GCNT2: variants seen among roughly 807,000 people sequenced by gnomAD.
GCNT2 encodes N-acetyllactosaminide beta-1,6-N-acetylglucosaminyl-transferase.
A neutral mutation model predicts 34.2 loss-of-function variants in GCNT2; 34 were observed. That is an observed-to-expected ratio of 1.00 (90% CI 0.76 to 1.32). GCNT2 has a LOEUF of 1.32. Ranked by LOEUF, GCNT2 falls within the 40% of genes most tolerant of loss-of-function variation. GCNT2 has a pLI of 0.00. For synonymous variants in GCNT2, 212 were observed against 188.0 expected (o/e 1.13, Z -1.04); for missense variants, 584 against 489.4 (o/e 1.19, Z -1.82).
Position 10,605,447 on chromosome 6 carries a change from C to T in GCNT2, c.926-15904C>T, listed in dbSNP as rs964561388. ...CTGGTCTTGAACTCCTGGGCTCAGG[C>T]GATTCATCTGCCTTGGCCTCCCAAA... On this transcript the variant is annotated intron_variant, in intron 3 of 4. Transcript: ENST00000495262. 1.1e-4 allele frequency among the ~76,000 whole-genome samples: 17 copies of T among 151,362 alleles called. 1 individual carries two copies. The highest frequency in any genetic ancestry group is 2.1e-4 in the Non-Finnish European group (14 of 67,852).
chr6:10,563,777 A>AAAAAT (rs1554130891), intron 3 of GCNT2, among the ~76,000 whole-genome samples: 1 of 24,708 alleles, frequency 4.0e-5, no homozygotes, highest in African/African-American at 1.3e-4. Flanking sequence ...AAAAAAAAAA[A>AAAAAT]ATATATATAT....
chr6:10,522,245 AACCTCATTTGAT>A (rs1238710763), intron 1 of GCNT2, among the ~76,000 whole-genome samples: 6 of 151,484 alleles, frequency 4.0e-5, no homozygotes, highest in African/African-American at 1.5e-4. Flanking sequence ...GTGAGGTATG[AACCTCATTTGAT>A]AATAGGTAAA....
chr6:10,604,456 C>G (rs1765222121), intron 3 of GCNT2, among the ~76,000 whole-genome samples: 1 of 152,140 alleles, frequency 6.6e-6, no homozygotes, highest in Admixed American at 6.5e-5. Flanking sequence ...CTTTTCTGTA[C>G]TTTGAAAATC....
intron 3 of GCNT2, among the ~76,000 whole-genome samples, chr6:10,572,238 C>A (rs1335767237): frequency 6.6e-6 from 1 of 151,916 alleles, no homozygotes; most frequent in Non-Finnish European, 1.5e-5. Flanking sequence ...TGATCAATAA[C>A]CTGGAAAAAA....
intron 3 of GCNT2, chr6:10,585,638 C>T (rs1283242561): frequency 1.5e-5 from 6 of 404,608 alleles, no homozygotes; most frequent in African/African-American, 1.0e-4. Flanking sequence ...GAAAAGGACC[C>T]ATCATTGCAT....
At chr6:10,542,893 C>CTT (rs869251646) in intron 3 of GCNT2, among the ~76,000 whole-genome samples, 5,359 of 81,972 alleles carry the variant, frequency 0.065, 282 homozygotes, top group African/African-American at 0.22. Context: ...TATGTTAATT[C>CTT]TTTTTTTTTT....
In GCNT2 at chr6:10,550,355, C is replaced by T. The variant is rs974781006; in HGVS notation, c.925+20519C>T. 4.0e-5 allele frequency among the ~76,000 whole-genome samples: 6 copies of T among 151,204 alleles called. No homozygotes were observed. The East Asian group carries it at 1.2e-3, about 30-fold the overall frequency. On this transcript the variant is annotated intron_variant, in intron 3 of 4. Coordinates refer to ENST00000495262, the MANE Select transcript of GCNT2 (RefSeq NM_145649.5). ...CCGGCCTAACATTTTTTTTTTCTTACAATATATTAATTATAGGGAAAGTAG... is the reference window on the plus strand; with the variant it reads ...CCGGCCTAACATTTTTTTTTTCTTATAATATATTAATTATAGGGAAAGTAG...
chr6:10,601,263 G>A (rs1011329480), intron 3 of GCNT2, among the ~76,000 whole-genome samples: 6 of 152,252 alleles, frequency 3.9e-5, no homozygotes, highest in Middle Eastern at 3.4e-3. Context: ...CTAAAAGTAA[G>A]TACAGCATTT....
chr6:10,607,096 A>AC (rs1765354895), intron 3 of GCNT2, among the ~76,000 whole-genome samples: 1 of 152,008 alleles, frequency 6.6e-6, no homozygotes, highest in East Asian at 1.9e-4. Flanking sequence ...ACAGGGGTGC[A>AC]CCACCACACC....
chr6:10,583,612 G>A (rs1180632345), intron 3 of GCNT2, among the ~76,000 whole-genome samples: 1 of 152,162 alleles, frequency 6.6e-6, no homozygotes, highest in Non-Finnish European at 1.5e-5. Flanking sequence ...GCTTTTCCTG[G>A]TTCCCCTGAA....
At chr6:10,593,912 T>G (rs1764746785) in intron 3 of GCNT2, among the ~76,000 whole-genome samples, 1 of 152,228 alleles carries the variant, frequency 6.6e-6, no homozygotes, top group Non-Finnish European at 1.5e-5. Flanking sequence ...GTAGTGTAAG[T>G]CTGTCCTCCC....
At chr6:10,563,369 CATT>C (rs1229435056) in intron 3 of GCNT2, among the ~76,000 whole-genome samples, 1 of 152,186 alleles carries the variant, frequency 6.6e-6, no homozygotes, top group Non-Finnish European at 1.5e-5. Context: ...ATTTCTTACA[CATT>C]ATCTCCTTTA....
chr6:10,587,710 G>C (rs1764420251), intron 3 of GCNT2, among the ~76,000 whole-genome samples: 1 of 152,190 alleles, frequency 6.6e-6, no homozygotes, highest in Non-Finnish European at 1.5e-5. Flanking sequence ...ATAGCACCAA[G>C]CTCCCTCGTT....
chr6:10,528,848 T>G lies in GCNT2; in HGVS notation c.-64T>G. 2 of 1,319,138 alleles carry G rather than the reference T, an allele frequency of 1.5e-6. No homozygotes were observed. The highest frequency in any genetic ancestry group is 2.2e-6 in the Non-Finnish European group (2 of 913,514). 81.7% of individuals were successfully genotyped at this position (1,319,138 alleles called of 1,614,324 possible). On this transcript the variant is annotated 5_prime_UTR_variant, in exon 3 of 5. An upstream open reading frame in the 5' UTR loses its in-frame stop. Coordinates refer to ENST00000495262, the MANE Select transcript of GCNT2 (RefSeq NM_145649.5). ...TTCGGAACCTGGAGAAAATGTAAGT[T>G]AAATATATCTACACTCTGATCCTAT...
At chr6:10,561,157 ATTTTC>A (rs1362687937) in intron 3 of GCNT2, among the ~76,000 whole-genome samples, 7 of 151,746 alleles carry the variant, frequency 4.6e-5, no homozygotes, top group Middle Eastern at 3.2e-3. Flanking sequence ...TTCTTTCAGA[ATTTTC>A]TTTTCTTTTT....
At chr6:10,589,689 C>T (rs1404627538) in intron 3 of GCNT2, among the ~76,000 whole-genome samples, 6 of 152,152 alleles carry the variant, frequency 3.9e-5, no homozygotes, top group Non-Finnish European at 2.9e-5. Flanking sequence ...TTCACTCCAT[C>T]AGCTACCAAT....
chr6:10,554,837 A>T (rs1215959271), intron 3 of GCNT2, among the ~76,000 whole-genome samples: 1 of 152,138 alleles, frequency 6.6e-6, no homozygotes, highest in Non-Finnish European at 1.5e-5. Context: ...TTTATTTAGG[A>T]GACTTTGGTA....
At chr6:10,536,221 C>A (rs538488666) in intron 3 of GCNT2, among the ~76,000 whole-genome samples, 1 of 152,116 alleles carries the variant, frequency 6.6e-6, no homozygotes, top group South Asian at 2.1e-4. Context: ...CCAAACCAAT[C>A]GAGCACACAG....
intron 3 of GCNT2, among the ~76,000 whole-genome samples, chr6:10,607,568 A>G (rs1765377123): frequency 6.6e-6 from 1 of 151,942 alleles, no homozygotes; most frequent in Non-Finnish European, 1.5e-5. Context: ...AGACCATTTC[A>G]CCTCACCTAA....
Sources: allele counts gnomAD v4.1 joint callset (sites outside exome capture counted in the v4.1 genomes callset), GRCh38; gene constraint gnomAD v4.1.1; transcripts MANE v1.5; gene names NCBI Gene and HGNC (gene_info 2026-07-23, HGNC 2026-07-21).